The following NCKAP5 variants were observed in gnomAD, a reference collection of about 807,000 sequenced individuals.
The protein encoded by NCKAP5 is nck-associated protein 5.
A neutral mutation model predicts 167.0 loss-of-function variants in NCKAP5; 92 were observed. The ratio of observed to expected loss-of-function variants is 0.55; its 90% CI spans 0.47 to 0.66. The LOEUF (loss-of-function observed/expected upper bound fraction) is 0.66, where lower values mean the gene tolerates loss of function less well. Among genes scored for constraint, NCKAP5 ranks in the 30% least tolerant of loss-of-function variants. NCKAP5 has a pLI of 0.00. For synonymous variants in NCKAP5, 891 were observed against 877.4 expected, an observed-to-expected ratio of 1.02 and a Z score of -0.27; for missense variants, 2,378 against 2,315.0, an observed-to-expected ratio of 1.03 and a Z score of -0.56.
chr2:133,174,712 T>TG (rs981446833), intron 5 of NCKAP5, among the ~76,000 whole-genome samples: 19 of 150,200 alleles, frequency 1.3e-4, no homozygotes, highest in Non-Finnish European at 2.5e-4. Context: ...CTTTTTTTTT[T>TG]TTTCTCCCCC....
chr2:132,836,963 G>A (rs1299395072), intron 11 of NCKAP5, among the ~76,000 whole-genome samples: 2 of 152,174 alleles, frequency 1.3e-5, no homozygotes, highest in East Asian at 1.9e-4. Flanking sequence ...AAAGGGACAT[G>A]GGTGATTCTT....
the NCKAP5 span, among the ~76,000 whole-genome samples, chr2:133,642,236 C>T: frequency 3.9e-5 from 6 of 152,130 alleles, no homozygotes; most frequent in African/African-American, 1.4e-4. Flanking sequence ...CATTAATCTA[C>T]TCATACAGGA....
intron 19 of NCKAP5, among the ~76,000 whole-genome samples, chr2:132,725,078 T>C (rs1162479890): frequency 6.6e-6 from 1 of 152,224 alleles, no homozygotes; most frequent in Non-Finnish European, 1.5e-5. Context: ...TTGTCTGTTC[T>C]CTTGTATCTG....
the NCKAP5 span, among the ~76,000 whole-genome samples, chr2:133,576,122 C>G: frequency 1.3e-4 from 20 of 152,326 alleles, no homozygotes; most frequent in East Asian, 3.7e-3. Context: ...GGGCTTCCAG[C>G]TACAGACTTG....
intron 6 of NCKAP5, among the ~76,000 whole-genome samples, chr2:133,128,721 C>T (rs537137332): frequency 1.3e-5 from 2 of 152,036 alleles, no homozygotes; most frequent in African/African-American, 4.8e-5. Flanking sequence ...CCTCAGCCTC[C>T]CGAGTAGCTG....
chr2:132,967,152 T>C (rs1284775256), intron 7 of NCKAP5, among the ~76,000 whole-genome samples: 1 of 144,896 alleles, frequency 6.9e-6, no homozygotes, highest in Non-Finnish European at 1.5e-5. Context: ...GAGGAGCCAC[T>C]GCCCTATCGT....
chr2:133,099,214 A>G (rs1251781652), intron 6 of NCKAP5, among the ~76,000 whole-genome samples: 4 of 152,102 alleles, frequency 2.6e-5, no homozygotes, highest in East Asian at 3.9e-4. Context: ...GAATATATAG[A>G]AAAAAAAGCT....
At chr2:133,132,187 C>T (rs1055490382) in intron 5 of NCKAP5, among the ~76,000 whole-genome samples, 18 of 151,464 alleles carry the variant, frequency 1.2e-4, no homozygotes, top group African/African-American at 4.4e-4. Context: ...ACTCGGGAGG[C>T]TGAGGCAGTG....
intron 6 of NCKAP5, among the ~76,000 whole-genome samples, chr2:133,000,727 T>A (rs532272073): frequency 6.6e-5 from 10 of 152,280 alleles, no homozygotes; most frequent in Admixed American, 2.0e-4. Context: ...TTTTTAATTT[T>A]AAAAATTCAA....
the NCKAP5 span, among the ~76,000 whole-genome samples, chr2:133,668,434 T>C: frequency 9.7e-3 from 1,475 of 152,212 alleles, 49 homozygotes; most frequent in African/African-American, 0.034. Flanking sequence ...AATTTCTTCA[T>C]ATCCTTGCTG....
At chr2:133,239,458 A>C (rs1319300579) in intron 4 of NCKAP5, among the ~76,000 whole-genome samples, 1 of 152,210 alleles carries the variant, frequency 6.6e-6, no homozygotes, top group Non-Finnish European at 1.5e-5. Context: ...TAGCAAATCA[A>C]GGAAACTCTA....
At chr2:133,535,430 T>G (rs1247702667) in intron 2 of NCKAP5, among the ~76,000 whole-genome samples, 1 of 152,168 alleles carries the variant, frequency 6.6e-6, no homozygotes, top group Non-Finnish European at 1.5e-5. Flanking sequence ...TAGGGTAATG[T>G]CCTCCATTTC....
chr2:132,686,625 C>T (rs1685973661), intron 19 of NCKAP5, among the ~76,000 whole-genome samples: 1 of 152,154 alleles, frequency 6.6e-6, no homozygotes, highest in Admixed American at 6.5e-5. Context: ...TGTTTATTTA[C>T]TGGTCATCCT....
intron 5 of NCKAP5, among the ~76,000 whole-genome samples, chr2:133,197,098 G>C (rs1359014131): frequency 6.6e-6 from 1 of 152,166 alleles, no homozygotes; most frequent in Admixed American, 6.6e-5. Context: ...CAGCTTTCTA[G>C]ATAAAAGATC....
chr2:133,622,767 G>C, the NCKAP5 span, among the ~76,000 whole-genome samples: 1 of 151,804 alleles, frequency 6.6e-6, no homozygotes, highest in African/African-American at 2.4e-5. Flanking sequence ...CAGTTCTCAT[G>C]ACAATACCAT....
intron 5 of NCKAP5, among the ~76,000 whole-genome samples, chr2:133,164,971 C>A (rs939819000): frequency 7.2e-5 from 11 of 152,176 alleles, no homozygotes; most frequent in Non-Finnish European, 1.5e-4. Flanking sequence ...CTAGGTAACA[C>A]AAAGTGTTGG....
At chr2:133,334,109 G>A (rs1181865446) in intron 3 of NCKAP5, among the ~76,000 whole-genome samples, 1 of 152,190 alleles carries the variant, frequency 6.6e-6, no homozygotes, top group African/African-American at 2.4e-5. Flanking sequence ...ATGGTTATGT[G>A]TGTGGACACT....
intron 3 of NCKAP5, among the ~76,000 whole-genome samples, chr2:133,409,381 C>T (rs1688637388): frequency 6.6e-6 from 1 of 152,100 alleles, no homozygotes; most frequent in Non-Finnish European, 1.5e-5. Context: ...AGGATTGTAC[C>T]CTTTTTGTAG....
chr2:132,941,693 C>A (rs186261679), intron 8 of NCKAP5, among the ~76,000 whole-genome samples: 9 of 152,304 alleles, frequency 5.9e-5, no homozygotes, highest in Non-Finnish European at 1.2e-4. Flanking sequence ...GTTACATTTT[C>A]ATGAGTCGAC....
Sources: gnomAD v4.1 joint callset for allele counts (sites outside exome capture counted in the v4.1 genomes callset) on GRCh38, gnomAD v4.1.1 for gene constraint, MANE v1.5 for transcripts, NCBI Gene and HGNC (gene_info 2026-07-23, HGNC 2026-07-21) for gene names.